SLC9A9: variants seen among roughly 807,000 people sequenced by gnomAD.
SLC9A9 encodes solute carrier family 9 member A9.
A neutral mutation model predicts 77.8 loss-of-function variants in SLC9A9; 62 were observed. The ratio of observed to expected loss-of-function variants is 0.80; its 90% confidence interval spans 0.65 to 0.98. SLC9A9 has a LOEUF of 0.98. SLC9A9 is among the 50% of genes least tolerant of loss of function. SLC9A9 has a pLI of 0.00. For missense variants in SLC9A9, 775 were observed against 774.9 expected, an observed-to-expected ratio of 1.00 and a Z score of 0.00; for synonymous variants, 320 against 283.5, an observed-to-expected ratio of 1.13 and a Z score of -1.29.
rs1254168511 is a variant in SLC9A9, at chr3:143,396,456, TG to T, written c.1470-14343del. ...CACAGCCTGTTGTGGGTTGGGGGGC[TG>T]GGGAAGGGATAGCATTAGGAGATAT... On this transcript the variant is annotated intron_variant, in intron 12 of 15. Transcript: ENST00000316549. Among the ~76,000 whole-genome samples the T allele has an allele frequency of 2.6e-5, 4 of 152,124 alleles. No individual in the cohort carries two copies. The East Asian group carries it at 7.7e-4, about 29-fold the overall frequency.
intron 12 of SLC9A9, among the ~76,000 whole-genome samples, chr3:143,448,662 C>T (rs561084412): frequency 3.7e-4 from 56 of 151,034 alleles, no homozygotes; most frequent in Non-Finnish European, 1.5e-4. Flanking sequence ...ATATTCTACC[C>T]TTTGACTTTC....
rs960679099 is a variant in SLC9A9 at position 143,817,154 on chromosome 3, T to C, written c.378+14865A>G. On this transcript the variant is annotated intron_variant, in intron 2 of 15. Coordinates refer to ENST00000316549, the MANE Select transcript of SLC9A9 (RefSeq NM_173653.4). ...GTTTATTTTTTTTTTTATTTTTTTT[T>C]TTTTTGAGACGGAGTCTCGCTCTGT... Among the ~76,000 whole-genome samples the C allele has an allele frequency of 2.7e-5, 4 of 150,122 alleles. No homozygotes were observed. In the East Asian group the frequency reaches 7.8e-4, roughly 29 times the overall value.
chr3:143,446,772 A>ATGAC (rs2034850750), intron 12 of SLC9A9, among the ~76,000 whole-genome samples: 1 of 152,160 alleles, frequency 6.6e-6, no homozygotes, highest in Non-Finnish European at 1.5e-5. Context: ...CTCAGGAGAG[A>ATGAC]TGACTGACTC....
chr3:143,658,223 T>TTGCAAAAC (rs1484533716), intron 5 of SLC9A9, among the ~76,000 whole-genome samples: 1 of 152,216 alleles, frequency 6.6e-6, no homozygotes, highest in African/African-American at 2.4e-5. Context: ...TTTGGAGTCT[T>TTGCAAAAC]TCCTAATTGC....
At chr3:143,387,473 T>C (rs2033455722) in intron 12 of SLC9A9, among the ~76,000 whole-genome samples, 1 of 151,978 alleles carries the variant, frequency 6.6e-6, no homozygotes, top group African/African-American at 2.4e-5. Flanking sequence ...AGAAAGCAAC[T>C]AAAAAAGGCT....
intron 12 of SLC9A9, among the ~76,000 whole-genome samples, chr3:143,426,034 C>T (rs2034399080): frequency 6.6e-6 from 1 of 150,940 alleles, no homozygotes; most frequent in African/African-American, 2.4e-5. Flanking sequence ...CCATTTATAT[C>T]AGTGACATAA....
intron 4 of SLC9A9, among the ~76,000 whole-genome samples, chr3:143,778,037 C>CAAGAAAAAAAAAA (rs2007752962): frequency 1.3e-5 from 1 of 75,572 alleles, no homozygotes; most frequent in Non-Finnish European, 2.4e-5. Flanking sequence ...TTATAAAATG[C>CAAGAAAAAAAAAA]AAAAAAAAAA....
chr3:143,271,519 G>A (rs1047803346), intron 14 of SLC9A9, among the ~76,000 whole-genome samples: 12 of 152,280 alleles, frequency 7.9e-5, no homozygotes, highest in African/African-American at 2.2e-4. Context: ...TGGAGAAACC[G>A]GTGTCTCATT....
At chr3:143,838,248 A>G (rs1231618809) in intron 1 of SLC9A9, among the ~76,000 whole-genome samples, 1 of 152,236 alleles carries the variant, frequency 6.6e-6, no homozygotes, top group Non-Finnish European at 1.5e-5. Flanking sequence ...AGGATGTGTA[A>G]GAGTTCACCA....
intron 9 of SLC9A9, among the ~76,000 whole-genome samples, chr3:143,527,802 C>T (rs981735553): frequency 2.0e-5 from 3 of 152,172 alleles, no homozygotes; most frequent in South Asian, 2.1e-4. Context: ...GCTATGAGGA[C>T]CACAGAGAAG....
At chr3:143,602,052 A>G (rs1472037302) in intron 6 of SLC9A9, among the ~76,000 whole-genome samples, 3 of 152,018 alleles carry the variant, frequency 2.0e-5, no homozygotes, top group Non-Finnish European at 4.4e-5. Flanking sequence ...TTTTGTTTAA[A>G]TTCTTAGCCA....
chr3:143,400,557 G>A (rs1292997461), intron 12 of SLC9A9, among the ~76,000 whole-genome samples: 1 of 151,848 alleles, frequency 6.6e-6, no homozygotes, highest in Non-Finnish European at 1.5e-5. Flanking sequence ...GGTGGGTGAG[G>A]GATAAAGACT....
intron 5 of SLC9A9, among the ~76,000 whole-genome samples, chr3:143,688,337 C>T (rs1325469099): frequency 2.0e-5 from 3 of 151,998 alleles, no homozygotes; most frequent in African/African-American, 7.2e-5. Flanking sequence ...AGGAGCAGCA[C>T]TTGACTACAA....
intron 14 of SLC9A9, among the ~76,000 whole-genome samples, chr3:143,282,569 T>C (rs1938254081): frequency 6.6e-6 from 1 of 152,162 alleles, no homozygotes; most frequent in Admixed American, 6.5e-5. Context: ...GAAATAGAAG[T>C]TCTTGAGTGG....
chr3:143,270,898 G>T (rs1937877353), intron 14 of SLC9A9, among the ~76,000 whole-genome samples: 2 of 152,108 alleles, frequency 1.3e-5, no homozygotes. Flanking sequence ...ACTTTTTATG[G>T]TTTTAGTTAC....
intron 9 of SLC9A9, among the ~76,000 whole-genome samples, chr3:143,500,373 G>A (rs2035905010): frequency 6.6e-6 from 1 of 152,126 alleles, no homozygotes; most frequent in Non-Finnish European, 1.5e-5. Flanking sequence ...TGTAAGGTAA[G>A]TTATTAACTT....
At chr3:143,303,756 C>G (rs142540892) in intron 14 of SLC9A9, among the ~76,000 whole-genome samples, 57 of 152,302 alleles carry the variant, frequency 3.7e-4, no homozygotes, top group African/African-American at 1.4e-3. Flanking sequence ...GTCTCCTTAC[C>G]TACACTTCAG....
chr3:143,602,445 C>T (rs1012062257), intron 6 of SLC9A9, among the ~76,000 whole-genome samples: 4 of 152,234 alleles, frequency 2.6e-5, no homozygotes, highest in African/African-American at 7.2e-5. Flanking sequence ...TTGCTCGAAA[C>T]ATTCACTAGC....
intron 9 of SLC9A9, among the ~76,000 whole-genome samples, chr3:143,534,348 C>T (rs1245807966): frequency 6.6e-6 from 1 of 152,162 alleles, no homozygotes; most frequent in African/African-American, 2.4e-5. Context: ...AAAAGTGTGA[C>T]CATGAAGTTT....
Sources: gnomAD v4.1 joint callset for allele counts (sites outside exome capture counted in the v4.1 genomes callset) on GRCh38, gnomAD v4.1.1 for gene constraint, MANE v1.5 for transcripts, NCBI Gene and HGNC (gene_info 2026-07-23, HGNC 2026-07-21) for gene names.